GPLD1: variants seen among roughly 807,000 people sequenced by gnomAD.
The protein encoded by GPLD1 is glycosylphosphatidylinositol specific phospholipase D1, also known as phosphatidylinositol-glycan-specific phospholipase D.
A neutral mutation model predicts 112.6 loss-of-function variants in GPLD1; 84 were observed. That is an observed-to-expected ratio of 0.75 (90% CI 0.63 to 0.89). GPLD1 has a LOEUF of 0.89. Ranked by LOEUF, GPLD1 falls within the 40% of genes least tolerant of loss-of-function variation. The pLI, the probability that GPLD1 is intolerant of heterozygous loss-of-function variation, is 0.00. For synonymous variants in GPLD1, 386 were observed against 403.8 expected (o/e 0.96, Z 0.53); for missense variants, 1,044 against 1,051.5 (o/e 0.99, Z 0.10).
At chr6:24,442,376 C>T (rs553376173) in intron 20 of GPLD1, among the ~76,000 whole-genome samples, 62 of 147,586 alleles carry the variant, frequency 4.2e-4, no homozygotes, top group African/African-American at 1.4e-3. Flanking sequence ...CCACCTTAGT[C>T]TGCTGAGTAG....
At position 24,428,988 on chromosome 6, in the gene GPLD1, C is replaced by T. The variant is rs200486072; in HGVS notation, c.*44G>A. The T allele has an allele frequency of 1.5e-6, 2 of 1,327,644 alleles. No homozygotes were observed. Among genetic ancestry groups the T allele is most frequent in the South Asian group, 1.2e-5 (1 of 81,490 alleles). The allele number at this position is 1,327,644 out of a possible 1,614,324, so 82.2% of individuals were successfully genotyped here. A position where few individuals can be genotyped will look rare whatever the true frequency, so the allele number is the denominator to read the frequency against. On this transcript the variant is annotated 3_prime_UTR_variant, in exon 25 of 25. Transcript: ENST00000230036. ...CAAAATGCTCACCATGGATGTGATT[C>T]AGCATGAGAGAGGTGGGCAGAGTGG...
intron 2 of GPLD1, among the ~76,000 whole-genome samples, chr6:24,481,460 TTTTG>T (rs1764201531): frequency 6.6e-6 from 1 of 152,058 alleles, no homozygotes; most frequent in South Asian, 2.1e-4. Flanking sequence ...TGGTTTTTGG[TTTTG>T]TTTTTCTAAC....
At chr6:24,456,442 T>G (rs949586794) in intron 13 of GPLD1, 56 bp downstream of exon 13, 1 of 1,115,310 alleles carries the variant, frequency 9.0e-7, no homozygotes, top group African/African-American at 1.6e-5. Flanking sequence ...TGCAGAATGA[T>G]TGAATAAAAT....
At chr6:24,442,944 C>T (rs1369451990) in intron 20 of GPLD1, among the ~76,000 whole-genome samples, 2 of 152,032 alleles carry the variant, frequency 1.3e-5, no homozygotes, top group African/African-American at 4.8e-5. Flanking sequence ...GGCACCAAAA[C>T]CAAGAAAGTT....
At chr6:24,453,129 T>A (rs1763146941) in intron 14 of GPLD1, among the ~76,000 whole-genome samples, 1 of 152,178 alleles carries the variant, frequency 6.6e-6, no homozygotes, top group Non-Finnish European at 1.5e-5. Context: ...ACGTTTGTAG[T>A]CACTGCGGGT....
intron 2 of GPLD1, among the ~76,000 whole-genome samples, chr6:24,485,107 A>T (rs1323885482): frequency 3.3e-5 from 5 of 152,246 alleles, no homozygotes; most frequent in East Asian, 1.9e-4. Context: ...TTGGATGAAG[A>T]ATCTCTGGAG....
In GPLD1 at chr6:24,448,114, G is replaced by C. The variant is rs189800719; in HGVS notation, c.1521+20C>G. On this transcript the variant is annotated intron_variant, in intron 16 of 24. Coordinates refer to ENST00000230036, the MANE Select transcript of GPLD1 (RefSeq NM_001503.4). ...CAGCGAGTTCTAGGTTTCTGCACCT[G>C]GCTAAAGTGGTAAACATACCTGGCA... 1 of 1,610,900 alleles carries C rather than the reference G, an allele frequency of 6.2e-7. No individual in the cohort carries two copies. The highest frequency in any genetic ancestry group is 1.7e-5 in the Admixed American group (1 of 59,798).
chr6:24,464,568 T>C (rs1763537362), intron 10 of GPLD1, among the ~76,000 whole-genome samples: 1 of 152,198 alleles, frequency 6.6e-6, no homozygotes, highest in Non-Finnish European at 1.5e-5. Flanking sequence ...ATCAACACAA[T>C]ATATAATTAT....
intron 2 of GPLD1, among the ~76,000 whole-genome samples, chr6:24,484,431 T>A (rs1764306508): frequency 6.6e-6 from 1 of 151,908 alleles, no homozygotes; most frequent in African/African-American, 2.4e-5. Flanking sequence ...GGCCAGGCTG[T>A]TCTCAAACTC....
intron 14 of GPLD1, among the ~76,000 whole-genome samples, chr6:24,450,455 C>CGT (rs1351698108): frequency 2.0e-5 from 3 of 151,916 alleles, no homozygotes; most frequent in Non-Finnish European, 2.9e-5. Flanking sequence ...AAGCCAAGAT[C>CGT]GTGCCACTGC....
At chr6:24,489,722 T>G, upstream of GPLD1, 6 of 716,764 alleles carry the variant, frequency 8.4e-6, no homozygotes, top group East Asian at 3.1e-5. Flanking sequence ...AAACAAACTC[T>G]GTGCTCCTGG....
chr6:24,450,785 A>C (rs533575047), intron 14 of GPLD1, among the ~76,000 whole-genome samples: 16 of 152,318 alleles, frequency 1.1e-4, no homozygotes, highest in African/African-American at 3.6e-4. Flanking sequence ...CAGCCTGGCC[A>C]ACATGGCCAA....
chr6:24,431,449 G>T (rs944989336), intron 24 of GPLD1, among the ~76,000 whole-genome samples: 1 of 152,014 alleles, frequency 6.6e-6, no homozygotes, highest in African/African-American at 2.4e-5. Flanking sequence ...CAAGAACAGG[G>T]ACTCTGCCCT....
At position 24,445,650 on chromosome 6, in the gene GPLD1, C is replaced by A; in HGVS notation, c.1927-11G>T. 2 of 1,609,238 alleles carry A rather than the reference C, an allele frequency of 1.2e-6. No individual in the cohort carries two copies. Among genetic ancestry groups the A allele is most frequent in the Non-Finnish European group, 8.5e-7 (1 of 1,175,656 alleles). On this transcript the variant is annotated splice_polypyrimidine_tract_variant and intron_variant, in intron 19 of 24. Coordinates refer to ENST00000230036, the MANE Select transcript of GPLD1 (RefSeq NM_001503.4). ...CAGTTTCCCCATTGCCTGTGAGACA[C>A]AATAAATCAATATTGTATAGGTGAG...
At chr6:24,443,224 C>A (rs1300065576) in intron 20 of GPLD1, among the ~76,000 whole-genome samples, 1 of 152,142 alleles carries the variant, frequency 6.6e-6, no homozygotes, top group Non-Finnish European at 1.5e-5. Flanking sequence ...GGAAGGGGAA[C>A]CGAGGAAGAA....
At chr6:24,431,001 A>G (rs1227178670) in intron 24 of GPLD1, among the ~76,000 whole-genome samples, 1 of 152,218 alleles carries the variant, frequency 6.6e-6, no homozygotes, top group Admixed American at 6.5e-5. Flanking sequence ...TATATAATAC[A>G]TGGGTTCTTG....
chr6:24,448,192 T>A lies in GPLD1; in HGVS notation c.1463A>T (p.Tyr488Phe), dbSNP rs759763268. Residue 488 changes from tyrosine to phenylalanine, a missense_variant, in exon 16 of 25, where the codon TAC (tyrosine) becomes TTC (phenylalanine). Transcript: ENST00000230036. ...QLTYKGAVYV[Y>F]FGSKQGGMSS... ...CATTCCTCCTTGTTTGGAACCAAAG[T>A]AGACATACACGGCACCCTAGATAAG... 1.2e-6 allele frequency: 2 copies of A among 1,606,960 alleles called. No homozygotes were observed. Among genetic ancestry groups the A allele is most frequent in the Admixed American group, 3.4e-5 (2 of 59,170 alleles).
chr6:24,437,352 G>A, intron 20 of GPLD1, 63 bp from the exon 21 acceptor site: 2 of 1,449,888 alleles, frequency 1.4e-6, no homozygotes, highest in Non-Finnish European at 1.9e-6. Context: ...ACACGGAATA[G>A]CACCCCATCC....
intron 20 of GPLD1, among the ~76,000 whole-genome samples, chr6:24,439,246 C>T (rs1762672687): frequency 6.6e-6 from 1 of 152,220 alleles, no homozygotes; most frequent in Non-Finnish European, 1.5e-5. Flanking sequence ...ACAGGATGAA[C>T]ACTGGCCCCA....
Sources: gnomAD v4.1 joint callset for allele counts (sites outside exome capture counted in the v4.1 genomes callset) on GRCh38, gnomAD v4.1.1 for gene constraint, MANE v1.5 for transcripts, NCBI Gene and HGNC (gene_info 2026-07-23, HGNC 2026-07-21) for gene names.